The following RPS6KA2 variants were observed in gnomAD, a reference collection of about 807,000 sequenced individuals.
RPS6KA2 encodes ribosomal protein S6 kinase A2, also known as ribosomal protein S6 kinase alpha-2.
Under a neutral mutation model 91.8 loss-of-function variants are expected in RPS6KA2, and 42 were observed. That is an observed-to-expected ratio of 0.46 (90% CI 0.36 to 0.59). The LOEUF (loss-of-function observed/expected upper bound fraction) is 0.59, where lower values mean the gene tolerates loss of function less well. Among genes scored for constraint, RPS6KA2 ranks in the 20% least tolerant of loss-of-function variants. The pLI is 0.00. For synonymous variants in RPS6KA2, 414 were observed against 393.6 expected (o/e 1.05, Z -0.61); for missense variants, 798 against 978.5 (o/e 0.82, Z 2.46).
intron 2 of RPS6KA2, among the ~76,000 whole-genome samples, chr6:166,685,648 T>C (rs1307344323): frequency 6.6e-6 from 1 of 152,172 alleles, no homozygotes; most frequent in Non-Finnish European, 1.5e-5. Flanking sequence ...TCCCAGCTTT[T>C]GAAAGAATTC....
chr6:166,789,907 T>A lies in RPS6KA2; in HGVS notation c.123+68293A>T, dbSNP rs935749849. Reference sequence around the variant, plus strand: ...CCAAAAGTAGATAAAACCACAAAGATGGGGAAAAAACAGAGCAGAAAACTG... The same window carrying A: ...CCAAAAGTAGATAAAACCACAAAGAAGGGGAAAAAACAGAGCAGAAAACTG... On this transcript the variant is annotated intron_variant, in intron 2 of 21. Coordinates refer to the RPS6KA2 transcript ENST00000503859. Among the ~76,000 whole-genome samples, 8 of 151,818 alleles carry A rather than the reference T, an allele frequency of 5.3e-5. No homozygotes were observed. In the East Asian group the frequency reaches 1.5e-3, roughly 29 times the overall value.
intron 2 of RPS6KA2, among the ~76,000 whole-genome samples, chr6:166,844,868 C>T (rs202079978): frequency 1.5e-5 from 2 of 133,026 alleles, no homozygotes; most frequent in South Asian, 2.5e-4. Flanking sequence ...ACAACAACAA[C>T]AAAAAAAACA....
At position 166,783,643 on chromosome 6, in the gene RPS6KA2, T is replaced by C. The variant is rs146300319; in HGVS notation, c.123+74557A>G. Among the ~76,000 whole-genome samples, 256 of 152,122 alleles carry C rather than the reference T, an allele frequency of 1.7e-3. 10 individuals carry two copies. Among genetic ancestry groups the C allele is most frequent in the Admixed American group, 1.7e-3 (26 of 15,268 alleles). On this transcript the variant is annotated intron_variant, in intron 2 of 21. Coordinates refer to the RPS6KA2 transcript ENST00000503859. The stretch of plus-strand genomic sequence containing the variant: ...ACATATCTATAACTGCATATATACA[T>C]GTGCACACCTATGCATAGCTATGTA...
intron 2 of RPS6KA2, among the ~76,000 whole-genome samples, chr6:166,634,001 G>A (rs907528565): frequency 3.3e-5 from 5 of 152,324 alleles, no homozygotes; most frequent in East Asian, 1.9e-4. Flanking sequence ...AGCAGCTTGC[G>A]CAAAGGCCCT....
Position 166,681,702 on chromosome 6 carries a change from G to A in RPS6KA2, c.124-142918C>T, listed in dbSNP as rs2345257. Among the ~76,000 whole-genome samples the A allele has an allele frequency of 4.4e-3, 63 of 14,446 alleles. 3 individuals carry two copies. The highest frequency in any genetic ancestry group is 1.8e-3 in the African/African-American group (8 of 4,558). The allele number at this position is 14,446 out of a possible 152,430, so 9.5% of individuals were successfully genotyped here. ...TCTCCCCCTGCCCGCCCCCCCCCCC[G>A]CCCCCGCCCAAGATCTTGCTCTTGG... On this transcript the variant is annotated intron_variant, in intron 2 of 21. Transcript: ENST00000503859.
intron 3 of RPS6KA2, among the ~76,000 whole-genome samples, chr6:166,522,874 C>T (rs1293393476): frequency 6.6e-6 from 1 of 152,194 alleles, no homozygotes; most frequent in Non-Finnish European, 1.5e-5. Context: ...GTTAACCACA[C>T]TGATTACCAG....
chr6:166,447,151 C>T (rs1408142131), intron 14 of RPS6KA2, among the ~76,000 whole-genome samples: 5 of 152,144 alleles, frequency 3.3e-5, no homozygotes, highest in African/African-American at 1.2e-4. Flanking sequence ...AGCCTACGCG[C>T]CCCAGGCTGC....
intron 1 of RPS6KA2, among the ~76,000 whole-genome samples, chr6:166,553,611 C>T (rs372246735): frequency 2.6e-5 from 4 of 152,108 alleles, no homozygotes; most frequent in South Asian, 2.1e-4. Context: ...TGACCCGCCC[C>T]GCCAGCCCTC....
intron 2 of RPS6KA2, among the ~76,000 whole-genome samples, chr6:166,538,327 G>A (rs765283712): frequency 6.6e-5 from 10 of 152,004 alleles, no homozygotes; most frequent in Non-Finnish European, 1.2e-4. Flanking sequence ...TTTCTTTGGG[G>A]AAAACAGCTG....
At chr6:166,530,668 AG>A (rs1783240817) in intron 3 of RPS6KA2, among the ~76,000 whole-genome samples, 2 of 152,220 alleles carry the variant, frequency 1.3e-5, no homozygotes. Flanking sequence ...GTAGGTGCCC[AG>A]CTAGTGACGG....
intron 2 of RPS6KA2, among the ~76,000 whole-genome samples, chr6:166,646,607 C>T (rs374021956): frequency 1.3e-5 from 2 of 152,360 alleles, no homozygotes; most frequent in East Asian, 3.9e-4. Flanking sequence ...TGGGGTCACC[C>T]GCGTCCCAGC....
chr6:166,710,508 GTGGT>G (rs374137302), intron 2 of RPS6KA2, among the ~76,000 whole-genome samples: 2,330 of 138,474 alleles, frequency 0.017, 24 homozygotes, highest in East Asian at 0.036. Flanking sequence ...GTGTGTGTGT[GTGGT>G]GTGTGTGTGT....
intron 1 of RPS6KA2, among the ~76,000 whole-genome samples, chr6:166,562,011 C>T (rs185761329): frequency 4.6e-5 from 7 of 152,126 alleles, no homozygotes; most frequent in Non-Finnish European, 7.4e-5. Context: ...TCAAAGCAGG[C>T]GGAGAGGGAG....
In RPS6KA2 at chr6:166,495,392, G is replaced by T. The variant is rs1781751279; in HGVS notation, c.747+3116C>A. 6.6e-6 allele frequency among the ~76,000 whole-genome samples: 1 copy of T among 152,216 alleles called. No homozygotes were observed. Among genetic ancestry groups the T allele is most frequent in the African/African-American group, 2.4e-5 (1 of 41,430 alleles). The stretch of plus-strand genomic sequence containing the variant: ...TCCCAGCAAACAAGTGAACAATTCA[G>T]TAAGAAATGTCCTGTGCCCAGGGAG... On this transcript the variant is annotated intron_variant, in intron 8 of 20. Coordinates refer to ENST00000265678, the MANE Select transcript of RPS6KA2 (RefSeq NM_021135.6). The surrounding 1 kb of genome is among the most constrained non-coding windows in gnomAD (Gnocchi z 4.4).
At chr6:166,781,771 G>A (rs1379137735) in intron 2 of RPS6KA2, among the ~76,000 whole-genome samples, 1 of 152,220 alleles carries the variant, frequency 6.6e-6, no homozygotes, top group Non-Finnish European at 1.5e-5. Context: ...CAGGAGCCAG[G>A]CAGATGGAGA....
intron 2 of RPS6KA2, among the ~76,000 whole-genome samples, chr6:166,853,910 A>G (rs1045999358): frequency 6.6e-6 from 1 of 152,230 alleles, no homozygotes; most frequent in Non-Finnish European, 1.5e-5. Context: ...CCAGAGCCTC[A>G]GGGAGCCAGG....
chr6:166,682,140 T>C (rs1788839471), intron 2 of RPS6KA2, among the ~76,000 whole-genome samples: 1 of 152,240 alleles, frequency 6.6e-6, no homozygotes. Context: ...TTGAAATATG[T>C]TTCAGAATAA....
In RPS6KA2 at chr6:166,567,979, G is replaced by A. The variant is rs569963042; in HGVS notation, c.100-29195C>T. 2.5e-4 allele frequency among the ~76,000 whole-genome samples: 38 copies of A among 152,264 alleles called. No individual in the cohort carries two copies. The South Asian group carries it at 3.9e-3, about 16-fold the overall frequency. ...AAGGGCACGCCAGTGCAGCCTCTGC[G>A]CCTGGCAGCTCCTCCTCCTGGGAAA... On this transcript the variant is annotated intron_variant, in intron 1 of 20. Coordinates refer to ENST00000265678, the MANE Select transcript of RPS6KA2 (RefSeq NM_021135.6).
intron 2 of RPS6KA2, among the ~76,000 whole-genome samples, chr6:166,709,320 A>C (rs1355122449): frequency 6.6e-6 from 1 of 152,214 alleles, no homozygotes; most frequent in Non-Finnish European, 1.5e-5. Context: ...ACATATCCTC[A>C]AAATATCCTT....
Sources: gnomAD v4.1 joint callset for allele counts (sites outside exome capture counted in the v4.1 genomes callset) on GRCh38, gnomAD v4.1.1 for gene constraint, Gnocchi (gnomAD v3.1) non-coding constraint, MANE v1.5 for transcripts, NCBI Gene and HGNC (gene_info 2026-07-23, HGNC 2026-07-21) for gene names.